ARL15: variants seen among roughly 807,000 people sequenced by gnomAD.
ARL15 encodes the protein ARF like GTPase 15.
In ARL15, 19 loss-of-function variants were observed where a neutral mutation model predicts 25.2. That is an observed-to-expected ratio of 0.75 (90% CI 0.53 to 1.10). The LOEUF is 1.10. Among genes scored for constraint, ARL15 ranks in the 50% least tolerant of loss-of-function variants. ARL15 has a pLI of 0.00. For missense variants in ARL15, 220 were observed against 246.0 expected (o/e 0.89, Z 0.71); for synonymous variants, 94 against 86.8 (o/e 1.08, Z -0.46).
chr5:54,165,738 T>TTATATA (rs3063747), intron 2 of ARL15, among the ~76,000 whole-genome samples: 16,537 of 147,798 alleles, frequency 0.11, 1,068 homozygotes, highest in Middle Eastern at 0.15. Flanking sequence ...ATACCTTTGT[T>TTATATA]TATATATATA....
At chr5:54,117,193 T>C (rs1000610004) in intron 3 of ARL15, among the ~76,000 whole-genome samples, 5 of 152,128 alleles carry the variant, frequency 3.3e-5, no homozygotes, top group Admixed American at 2.0e-4. Flanking sequence ...CATTAGATGG[T>C]GTCCAGTGAG....
intron 1 of ARL15, among the ~76,000 whole-genome samples, chr5:54,173,167 G>A (rs1469764635): frequency 6.8e-6 from 1 of 147,356 alleles, no homozygotes; most frequent in Admixed American, 6.9e-5. Context: ...TGGGCAAAAA[G>A]AGCGAGACTC....
intron 2 of ARL15, among the ~76,000 whole-genome samples, chr5:54,168,852 T>C (rs932107960): frequency 6.6e-6 from 1 of 152,144 alleles, no homozygotes; most frequent in Non-Finnish European, 1.5e-5. Flanking sequence ...ATAACACATA[T>C]CACATTCTGT....
chr5:54,113,472 C>A, intron 3 of ARL15, 62 bp from the exon 4 acceptor site: 1 of 1,491,174 alleles, frequency 6.7e-7, no homozygotes, highest in Non-Finnish European at 9.2e-7. Flanking sequence ...AAAATGTTCC[C>A]AACAGTAATT....
intron 4 of ARL15, among the ~76,000 whole-genome samples, chr5:53,961,324 C>A (rs1055223092): frequency 6.6e-6 from 1 of 151,592 alleles, no homozygotes; most frequent in Admixed American, 6.6e-5. Flanking sequence ...ATGGTGAAAC[C>A]CCATCTCTAC....
chr5:53,992,220 T>C (rs994041598), intron 4 of ARL15, among the ~76,000 whole-genome samples: 2 of 152,222 alleles, frequency 1.3e-5, no homozygotes, highest in African/African-American at 4.8e-5. Flanking sequence ...AACATTGCTG[T>C]GTTTTCCTCT....
chr5:53,914,261 C>T (rs1387226206), intron 4 of ARL15, among the ~76,000 whole-genome samples: 1 of 151,852 alleles, frequency 6.6e-6, no homozygotes, highest in Non-Finnish European at 1.5e-5. Flanking sequence ...GTCTATCCTC[C>T]AAAGATTTAC....
intron 4 of ARL15, among the ~76,000 whole-genome samples, chr5:53,936,578 C>T (rs1746354344): frequency 6.6e-6 from 1 of 152,128 alleles, no homozygotes; most frequent in South Asian, 2.1e-4. Context: ...ATCTGAAAAA[C>T]AAACAAACAA....
intron 4 of ARL15, among the ~76,000 whole-genome samples, chr5:54,010,336 C>T (rs1749192406): frequency 6.6e-6 from 1 of 152,200 alleles, no homozygotes; most frequent in Non-Finnish European, 1.5e-5. Context: ...AAATTTAAGA[C>T]TTCCAAAACA....
intron 4 of ARL15, among the ~76,000 whole-genome samples, chr5:53,938,614 C>A (rs1222744491): frequency 6.6e-6 from 1 of 152,172 alleles, no homozygotes; most frequent in Non-Finnish European, 1.5e-5. Context: ...TCACTTGAGA[C>A]CAGGAGTTCG....
At chr5:54,265,388 T>C (rs1243857722) in intron 1 of ARL15, among the ~76,000 whole-genome samples, 2 of 152,214 alleles carry the variant, frequency 1.3e-5, no homozygotes, top group Non-Finnish European at 2.9e-5. Context: ...TAAAGACTAC[T>C]TACAGGACAT....
intron 4 of ARL15, among the ~76,000 whole-genome samples, chr5:54,071,096 G>A (rs535510077): frequency 6.6e-6 from 1 of 151,942 alleles, no homozygotes; most frequent in South Asian, 2.1e-4. Flanking sequence ...CTTGAGGCAG[G>A]GAGGTCAGGG....
intron 3 of ARL15, among the ~76,000 whole-genome samples, chr5:54,153,109 C>T (rs1291316973): frequency 6.6e-6 from 1 of 152,196 alleles, no homozygotes; most frequent in East Asian, 1.9e-4. Flanking sequence ...ATATTTAAAA[C>T]CCATATAACT....
intron 4 of ARL15, among the ~76,000 whole-genome samples, chr5:53,946,090 T>C (rs1224957431): frequency 6.6e-6 from 1 of 152,174 alleles, no homozygotes; most frequent in East Asian, 1.9e-4. Flanking sequence ...ATCACTATGG[T>C]TTATTGAGCA....
intron 4 of ARL15, among the ~76,000 whole-genome samples, chr5:53,961,816 T>C (rs1254672511): frequency 6.6e-6 from 1 of 152,206 alleles, no homozygotes; most frequent in Non-Finnish European, 1.5e-5. Flanking sequence ...TAATTTAATG[T>C]ATGTCTATAA....
intron 3 of ARL15, among the ~76,000 whole-genome samples, chr5:54,140,560 T>C (rs1316397423): frequency 2.0e-5 from 3 of 152,100 alleles, no homozygotes; most frequent in Admixed American, 2.0e-4. Context: ...TCCCACTCCA[T>C]GGAGATCACT....
intron 1 of ARL15, among the ~76,000 whole-genome samples, chr5:54,271,330 G>A (rs2112645527): frequency 6.6e-6 from 1 of 152,076 alleles, no homozygotes; most frequent in East Asian, 1.9e-4. Flanking sequence ...CCTCCTTCAG[G>A]TATCAAAATC....
intron 4 of ARL15, among the ~76,000 whole-genome samples, chr5:54,103,144 C>T (rs1207500117): frequency 2.0e-5 from 3 of 151,980 alleles, no homozygotes; most frequent in Non-Finnish European, 4.4e-5. Flanking sequence ...CCTTTGTAAC[C>T]TAGTAAAAAA....
chr5:54,061,350 C>T (rs894451747), intron 4 of ARL15, among the ~76,000 whole-genome samples: 1 of 152,214 alleles, frequency 6.6e-6, no homozygotes, highest in Non-Finnish European at 1.5e-5. Flanking sequence ...TGGCTCACAC[C>T]TGTAATCCCA....
Sources: gnomAD v4.1 joint callset for allele counts (sites outside exome capture counted in the v4.1 genomes callset) on GRCh38, gnomAD v4.1.1 for gene constraint, MANE v1.5 for transcripts, NCBI Gene and HGNC (gene_info 2026-07-23, HGNC 2026-07-21) for gene names.